LOXHD1: variants seen among roughly 807,000 people sequenced by gnomAD.
LOXHD1 encodes lipoxygenase homology domain-containing protein 1.
A neutral mutation model predicts 248.2 loss-of-function variants in LOXHD1; 205 were observed. That is an observed-to-expected ratio of 0.83 (90% CI 0.74 to 0.93). The LOEUF (loss-of-function observed/expected upper bound fraction) is 0.93, where lower values mean the gene tolerates loss of function less well. Among genes scored for constraint, LOXHD1 ranks in the 40% least tolerant of loss-of-function variants. The pLI is 0.00. For missense variants in LOXHD1, 2,930 were observed against 2,971.6 expected (o/e 0.99, Z 0.33); for synonymous variants, 1,113 against 1,162.8 (o/e 0.96, Z 0.87).
intron 37 of LOXHD1, among the ~76,000 whole-genome samples, chr18:46,499,525 G>A (rs2034092467): frequency 6.6e-6 from 1 of 152,176 alleles, no homozygotes; most frequent in Non-Finnish European, 1.5e-5. Context: ...CCTAGTTTCT[G>A]AAAACTTGAA....
chr18:46,534,130 C>A (rs1450327203), intron 27 of LOXHD1, among the ~76,000 whole-genome samples: 1 of 152,112 alleles, frequency 6.6e-6, no homozygotes, highest in African/African-American at 2.4e-5. Flanking sequence ...AGACCCTCCT[C>A]CTCAACCACG....
chr18:46,557,941 C>G, intron 20 of LOXHD1: 1 of 1,042,718 alleles, frequency 9.6e-7, no homozygotes, highest in Non-Finnish European at 1.2e-6. Context: ...AAGTGACTGT[C>G]AGAAACTGAA....
chr18:46,639,303 T>C (rs2038932570), intron 4 of LOXHD1, among the ~76,000 whole-genome samples: 1 of 152,178 alleles, frequency 6.6e-6, no homozygotes, highest in Admixed American at 6.5e-5. Flanking sequence ...AAAGGGGACT[T>C]CCGATAGATA....
At chr18:46,628,976 G>A (rs1033456283) in intron 4 of LOXHD1, among the ~76,000 whole-genome samples, 2 of 152,156 alleles carry the variant, frequency 1.3e-5, no homozygotes, top group African/African-American at 2.4e-5. Context: ...CCATGGTGGG[G>A]GACTATCTTG....
In LOXHD1 at chr18:46,480,976, G is replaced by C. The variant is rs2032515236; in HGVS notation, c.6341+2611C>G. Among the ~76,000 whole-genome samples the C allele has an allele frequency of 1.3e-5, 2 of 152,180 alleles. 1 individual carries two copies. Among genetic ancestry groups the C allele is most frequent in the African/African-American group, 4.8e-5 (2 of 41,452 alleles). On this transcript the variant is annotated intron_variant, in intron 40 of 40. Transcript: ENST00000642948. The stretch of plus-strand genomic sequence containing the variant: ...TTTCACCCAAATCCTGAGGCTATTA[G>C]TGATGAATGAGAACTGGTCAGGAAG...
Position 46,628,846 on chromosome 18 carries a change from C to T in LOXHD1, c.512-10556G>A, listed in dbSNP as rs114362393. 2.2e-3 allele frequency among the ~76,000 whole-genome samples: 342 copies of T among 152,304 alleles called. 2 individuals are homozygous for T. Among genetic ancestry groups the T allele is most frequent in the African/African-American group, 6.5e-3 (271 of 41,562 alleles). On this transcript the variant is annotated intron_variant, in intron 4 of 40. Coordinates refer to ENST00000642948, the MANE Select transcript of LOXHD1 (RefSeq NM_001384474.1). Reference sequence around the variant, plus strand: ...TTATCAGGTAGAAATTAATGTTCTCCCCACTTTACAAATGAGAAAATAGAG... The same window carrying T: ...TTATCAGGTAGAAATTAATGTTCTCTCCACTTTACAAATGAGAAAATAGAG...
chr18:46,650,801 C>G (rs2039100871), intron 1 of LOXHD1, among the ~76,000 whole-genome samples: 1 of 152,142 alleles, frequency 6.6e-6, no homozygotes, highest in Non-Finnish European at 1.5e-5. Context: ...TCAGCATGCC[C>G]AGAGCCAGTG....
Position 46,649,242 on chromosome 18 carries a change from T to A in LOXHD1, c.158A>T (p.Asp53Val). 1 of 1,551,560 alleles carries A rather than the reference T, an allele frequency of 6.4e-7. No homozygotes were observed. The highest frequency in any genetic ancestry group is 8.7e-7 in the Non-Finnish European group (1 of 1,146,934). Residue 53 changes from aspartate (D) to valine (V), a missense_variant, in exon 2 of 41, where the codon GAT becomes GTT. Transcript: ENST00000642948. ...GGCATCCGTCCCTGCACCGCGAACA[T>A]CCCCCGTGGCTGTGACCACTTCATA... ...RVYEVVTATG[D>V]VRGAGTDANV...
At chr18:46,514,065 G>A (rs1568121193) in intron 34 of LOXHD1, among the ~76,000 whole-genome samples, 1 of 152,230 alleles carries the variant, frequency 6.6e-6, no homozygotes, top group African/African-American at 2.4e-5. Context: ...CATCCCCTAC[G>A]AGACATATGA....
chr18:46,528,662 C>T (rs1346635813), intron 29 of LOXHD1, among the ~76,000 whole-genome samples: 1 of 147,836 alleles, frequency 6.8e-6, no homozygotes, highest in South Asian at 2.2e-4. Context: ...CCACCTGGGG[C>T]TCTACACAAC....
intron 31 of LOXHD1, among the ~76,000 whole-genome samples, chr18:46,523,733 G>T (rs1487187593): frequency 6.6e-6 from 1 of 151,820 alleles, no homozygotes; most frequent in Non-Finnish European, 1.5e-5. Context: ...TTTACAGGGG[G>T]AGCCTTTCCA....
chr18:46,519,017 T>C (rs955602071), intron 33 of LOXHD1: 3 of 985,456 alleles, frequency 3.0e-6, no homozygotes, highest in Non-Finnish European at 3.6e-6. Context: ...CACTGGAGGG[T>C]GAGGCGCAGC....
intron 37 of LOXHD1, among the ~76,000 whole-genome samples, chr18:46,496,311 A>G (rs779067626): frequency 2.8e-4 from 42 of 152,338 alleles, no homozygotes; most frequent in Admixed American, 8.5e-4. Context: ...ATTTTTCACT[A>G]AAAAAGAAAT....
At chr18:46,506,159 G>C in intron 36 of LOXHD1, 136 bp from the exon 37 acceptor site, 1 of 882,586 alleles carries the variant, frequency 1.1e-6, no homozygotes, top group Non-Finnish European at 1.7e-6. Context: ...AAGGCCAGGG[G>C]TGAGGTTGGA....
chr18:46,560,689 C>T, intron 18 of LOXHD1, 144 bp from the exon 19 acceptor site: 2 of 733,386 alleles, frequency 2.7e-6, no homozygotes, highest in Non-Finnish European at 4.4e-6. Flanking sequence ...TGCTCAGATC[C>T]TTCCACCACC....
intron 25 of LOXHD1, among the ~76,000 whole-genome samples, chr18:46,539,326 C>T (rs1298839446): frequency 1.3e-5 from 2 of 152,028 alleles, no homozygotes; most frequent in African/African-American, 2.4e-5. Context: ...CTGGACGTGG[C>T]GGTGGGTATC....
chr18:46,641,739 T>C (rs1179272868), intron 3 of LOXHD1, among the ~76,000 whole-genome samples: 1 of 152,172 alleles, frequency 6.6e-6, no homozygotes, highest in African/African-American at 2.4e-5. Context: ...CTCAAGTTTG[T>C]AAAAATTTGT....
At chr18:46,594,057 G>C (rs191131063) in intron 9 of LOXHD1, among the ~76,000 whole-genome samples, 1 of 152,200 alleles carries the variant, frequency 6.6e-6, no homozygotes, top group Non-Finnish European at 1.5e-5. Flanking sequence ...GCACTGTAGT[G>C]AACGATTCAG....
intron 29 of LOXHD1, among the ~76,000 whole-genome samples, chr18:46,526,845 G>T (rs1187450706): frequency 1.3e-5 from 2 of 152,226 alleles, no homozygotes; most frequent in African/African-American, 4.8e-5. Flanking sequence ...CTGATCTAAG[G>T]TTATTTAGAA....
Sources: gnomAD v4.1 joint callset for allele counts (sites outside exome capture counted in the v4.1 genomes callset) on GRCh38, gnomAD v4.1.1 for gene constraint, MANE v1.5 for transcripts, NCBI Gene and HGNC (gene_info 2026-07-23, HGNC 2026-07-21) for gene names.